PTPN20: variants seen among roughly 807,000 people sequenced by gnomAD.
PTPN20 encodes tyrosine-protein phosphatase non-receptor type 20.
Under a neutral mutation model 35.0 loss-of-function variants are expected in PTPN20, and 9 were observed. The ratio of observed to expected loss-of-function variants is 0.26; its 90% CI spans 0.15 to 0.45. The LOEUF (loss-of-function observed/expected upper bound fraction) is 0.45. PTPN20 is among the 20% of genes least tolerant of loss of function. The pLI is 1.00. For missense variants in PTPN20, 111 were observed against 312.5 expected, an observed-to-expected ratio of 0.36 and a Z score of 4.86; for synonymous variants, 32 against 100.2, an observed-to-expected ratio of 0.32 and a Z score of 4.06.
rs1340899089 is a variant in PTPN20, at chr10:46,994,458, A to G, written c.1135-5454A>G. ...GCCATTCTCCTGCCTCAGCCTCCCA[A>G]GTAGCTGGGACTACAGGCGCCCGCC... On this transcript the variant is annotated intron_variant, in intron 9 of 10. Coordinates refer to ENST00000374339, the MANE Select transcript of PTPN20 (RefSeq NM_001042357.5). 3.9e-4 allele frequency among the ~76,000 whole-genome samples: 58 copies of G among 149,060 alleles called. 1 individual carries two copies. The highest frequency in any genetic ancestry group is 3.6e-3 in the Middle Eastern group (1 of 278).
intron 5 of PTPN20, among the ~76,000 whole-genome samples, chr10:46,950,663 T>C (rs1356320043): frequency 6.6e-6 from 1 of 151,952 alleles, no homozygotes; most frequent in African/African-American, 2.4e-5. Flanking sequence ...ATTATAAAGT[T>C]AATGTATGCT....
intron 5 of PTPN20, among the ~76,000 whole-genome samples, chr10:46,964,552 A>C (rs1173833959): frequency 6.7e-6 from 1 of 148,848 alleles, no homozygotes; most frequent in Non-Finnish European, 1.5e-5. Context: ...GTTTCAGAGT[A>C]ATGAAACAGG....
intron 2 of PTPN20, among the ~76,000 whole-genome samples, chr10:46,937,278 A>G (rs1222521170): frequency 6.8e-6 from 1 of 146,586 alleles, no homozygotes. Context: ...TTGTTTTTCT[A>G]TATTTAATGT....
At chr10:46,939,719 A>G (rs1376350693) in intron 2 of PTPN20, among the ~76,000 whole-genome samples, 1 of 151,090 alleles carries the variant, frequency 6.6e-6, no homozygotes, top group Non-Finnish European at 1.5e-5. Flanking sequence ...AAACCTATAC[A>G]TTTTCCCTCT....
intron 9 of PTPN20, among the ~76,000 whole-genome samples, chr10:46,997,704 C>A (rs1332695000): frequency 2.8e-3 from 410 of 147,814 alleles, no homozygotes; most frequent in African/African-American, 9.8e-3. Flanking sequence ...AAGGAACCCT[C>A]AAAAATCAAT....
intron 10 of PTPN20, among the ~76,000 whole-genome samples, 185 bp downstream of exon 10, chr10:47,000,159 T>C (rs1470071465): frequency 6.6e-6 from 1 of 152,170 alleles, no homozygotes; most frequent in Non-Finnish European, 1.5e-5. Context: ...TTCAGAGCAA[T>C]AAAGCCTGCT....
chr10:46,960,344 T>C (rs1178133918), intron 5 of PTPN20, among the ~76,000 whole-genome samples: 1 of 92,182 alleles, frequency 1.1e-5, no homozygotes, highest in Non-Finnish European at 2.0e-5. Context: ...GCCCCTCATC[T>C]ACCTTTTTTC....
Position 46,923,200 on chromosome 10 carries a change from G to A in PTPN20, c.-123-9177G>A, listed in dbSNP as rs1329691526. On this transcript the variant is annotated intron_variant, in intron 1 of 10. Coordinates refer to ENST00000374339, the MANE Select transcript of PTPN20 (RefSeq NM_001042357.5). Reference sequence around the variant, plus strand: ...TGGCAACCACCAAAAGACAGGAAGAGACAAGGAAGTATACTCCCCTAGAGC... The same window carrying A: ...TGGCAACCACCAAAAGACAGGAAGAAACAAGGAAGTATACTCCCCTAGAGC... Among the ~76,000 whole-genome samples the A allele has an allele frequency of 2.1e-5, 3 of 143,842 alleles. No individual in the cohort carries two copies. In the South Asian group the frequency reaches 6.5e-4, roughly 31 times the overall value. 94.4% of individuals were successfully genotyped at this position (143,842 alleles called of 152,430 possible). A position where few individuals can be genotyped will look rare whatever the true frequency, so the allele number is the denominator to read the frequency against.
intron 2 of PTPN20, among the ~76,000 whole-genome samples, chr10:46,937,516 G>A (rs1205811978): frequency 4.0e-5 from 6 of 151,446 alleles, no homozygotes; most frequent in Non-Finnish European, 5.9e-5. Flanking sequence ...CCAGTTTGCT[G>A]AGTCTGTTCA....
intron 2 of PTPN20, 44 bp downstream of exon 2, chr10:46,932,577 C>A (rs1555120743): frequency 1.2e-6 from 2 of 1,610,932 alleles, no homozygotes; most frequent in South Asian, 2.2e-5. Flanking sequence ...TCAGGAGGAG[C>A]TACAGGAGTG....
In PTPN20 at chr10:47,000,703, G is replaced by C; in HGVS notation, c.1225G>C (p.Val409Leu). The change falls in exon 11 of 11, where the codon GTG becomes CTG. Residue 409 changes from valine (V) to leucine (L), a missense_variant. Coordinates refer to ENST00000374339, the MANE Select transcript of PTPN20 (RefSeq NM_001042357.5). ...GCAGTATCACTTTTGTTACGATATTGTGCTTGAAGTTCTTCGGAAACTTCT... is the reference window on the plus strand; with the variant it reads ...GCAGTATCACTTTTGTTACGATATTCTGCTTGAAGTTCTTCGGAAACTTCT... ...KEQYHFCYDIVLEVLRKLLTL... is the reference protein window; with the variant it reads ...KEQYHFCYDILLEVLRKLLTL... 6.2e-7 allele frequency: 1 copy of C among 1,613,414 alleles called. No homozygotes were observed. Among genetic ancestry groups the C allele is most frequent in the African/African-American group, 1.3e-5 (1 of 74,956 alleles).
chr10:46,985,428 CAG>C (rs1369612282), intron 8 of PTPN20, among the ~76,000 whole-genome samples: 4 of 149,258 alleles, frequency 2.7e-5, no homozygotes, highest in Non-Finnish European at 3.0e-5. Context: ...TTATAAGTGA[CAG>C]AGGAGGGGTT....
At chr10:46,958,844 A>C (rs1353821816) in intron 5 of PTPN20, among the ~76,000 whole-genome samples, 6 of 151,022 alleles carry the variant, frequency 4.0e-5, no homozygotes, top group African/African-American at 1.5e-4. Context: ...TAAGTTTATC[A>C]GTTTTTCTTA....
chr10:46,931,371 T>G (rs1289307686), intron 1 of PTPN20, among the ~76,000 whole-genome samples: 2 of 141,982 alleles, frequency 1.4e-5, no homozygotes, highest in East Asian at 3.9e-4. Flanking sequence ...CCACTTATCT[T>G]TTGCCTTACT....
intron 6 of PTPN20, among the ~76,000 whole-genome samples, chr10:46,965,914 A>ACTCTTTTTTTTTTT (rs2050438288): frequency 5.3e-5 from 1 of 18,850 alleles, no homozygotes; most frequent in East Asian, 2.8e-3. Flanking sequence ...TTTTTTTCTT[A>ACTCTTTTTTTTTTT]TTGGTTACTC....
chr10:46,953,335 T>TTTC (rs1555148518), intron 5 of PTPN20, among the ~76,000 whole-genome samples: 1 of 113,408 alleles, frequency 8.8e-6, no homozygotes, highest in Non-Finnish European at 1.7e-5. Flanking sequence ...CTTTCATTTC[T>TTTC]TTTCTTTCTT....
At position 47,001,073 on chromosome 10, in the gene PTPN20, T is replaced by G; in HGVS notation, c.*332T>G. The G allele has an allele frequency of 3.0e-6, 1 of 333,792 alleles. No homozygotes were observed. Among genetic ancestry groups the G allele is most frequent in the Non-Finnish European group, 5.6e-6 (1 of 179,482 alleles). 20.7% of individuals were successfully genotyped at this position (333,792 alleles called of 1,614,324 possible). The stretch of plus-strand genomic sequence containing the variant: ...GATTTAAAATATATTCATTAAGATT[T>G]TATTTGGAAAGGTGGCTGGAGAGAG... On this transcript the variant is annotated 3_prime_UTR_variant, in exon 11 of 11. Coordinates refer to ENST00000374339, the MANE Select transcript of PTPN20 (RefSeq NM_001042357.5).
intron 2 of PTPN20, among the ~76,000 whole-genome samples, chr10:46,937,590 C>G (rs1243540847): frequency 7.3e-5 from 11 of 149,820 alleles, no homozygotes; most frequent in African/African-American, 2.7e-4. Flanking sequence ...TTGACAGACA[C>G]TGATTTTTTT....
intron 2 of PTPN20, 36 bp from the exon 3 acceptor site, chr10:46,940,587 T>C: frequency 6.4e-7 from 1 of 1,553,538 alleles, no homozygotes; most frequent in Non-Finnish European, 8.8e-7. Flanking sequence ...TATAGTGTTT[T>C]CTATTTGATC....
Sources: gnomAD v4.1 joint callset for allele counts (sites outside exome capture counted in the v4.1 genomes callset) on GRCh38, gnomAD v4.1.1 for gene constraint, MANE v1.5 for transcripts, NCBI Gene and HGNC (gene_info 2026-07-23, HGNC 2026-07-21) for gene names.